The following CADM2 variants were observed in gnomAD, a reference collection of about 807,000 sequenced individuals.
The protein encoded by CADM2 is cell adhesion molecule 2, also known as immunoglobulin superfamily member 4D.
Under a neutral mutation model 49.8 loss-of-function variants are expected in CADM2, and 12 were observed. That is an observed-to-expected ratio of 0.24 (90% confidence interval 0.15 to 0.39). The LOEUF is 0.39. CADM2 is among the 10% of genes least tolerant of loss of function. The pLI is 1.00. For missense variants in CADM2, 378 were observed against 492.3 expected (o/e 0.77, Z 2.20); for synonymous variants, 214 against 175.4 (o/e 1.22, Z -1.74).
intron 3 of CADM2, among the ~76,000 whole-genome samples, chr3:85,855,585 CATATATATATATAAAACAT>C (rs1213391570): frequency 1.2e-4 from 15 of 120,174 alleles, no homozygotes; most frequent in East Asian, 4.6e-4. Context: ...ATATAAAAAA[CATATATATATATAAAACAT>C]ATATATATAT....
At chr3:85,348,915 T>C (rs1313960819) in intron 1 of CADM2, among the ~76,000 whole-genome samples, 2 of 152,162 alleles carry the variant, frequency 1.3e-5, no homozygotes, top group South Asian at 2.1e-4. Context: ...TTGTTTTTCA[T>C]CAATGAATTT....
intron 1 of CADM2, among the ~76,000 whole-genome samples, chr3:85,506,296 A>C (rs1229661474): frequency 6.6e-6 from 1 of 152,148 alleles, no homozygotes; most frequent in African/African-American, 2.4e-5. Flanking sequence ...TGTAACTCTC[A>C]AAGTCAGTGG....
chr3:85,446,889 A>C (rs2037482291), intron 1 of CADM2, among the ~76,000 whole-genome samples: 1 of 149,324 alleles, frequency 6.7e-6, no homozygotes, highest in African/African-American at 2.4e-5. Flanking sequence ...GGCATGAGCC[A>C]CTGCACCTGG....
intron 8 of CADM2, among the ~76,000 whole-genome samples, chr3:86,007,801 C>T (rs57063913): frequency 1.1e-3 from 166 of 152,142 alleles, no homozygotes; most frequent in African/African-American, 4.0e-3. Flanking sequence ...GTTTTAATGT[C>T]CTGTTCAGTA....
intron 1 of CADM2, among the ~76,000 whole-genome samples, chr3:85,680,944 G>C (rs905908551): frequency 9.9e-5 from 15 of 152,160 alleles, no homozygotes; most frequent in African/African-American, 3.6e-4. Context: ...TTGGAGTCAT[G>C]AAAAAGAACC....
intron 1 of CADM2, among the ~76,000 whole-genome samples, chr3:85,033,284 T>C (rs2035065724): frequency 1.3e-5 from 2 of 152,186 alleles, no homozygotes; most frequent in African/African-American, 4.8e-5. Flanking sequence ...ACTTCCCTGA[T>C]TGGAATTTTA....
At chr3:85,598,451 G>A (rs1287090190) in intron 1 of CADM2, among the ~76,000 whole-genome samples, 1 of 151,902 alleles carries the variant, frequency 6.6e-6, no homozygotes, top group Non-Finnish European at 1.5e-5. Flanking sequence ...TATATTTTGT[G>A]TAAATTAATA....
chr3:85,528,144 C>A (rs1193931686), intron 1 of CADM2, among the ~76,000 whole-genome samples: 1 of 152,150 alleles, frequency 6.6e-6, no homozygotes, highest in East Asian at 1.9e-4. Context: ...ATCTCTCTTG[C>A]TGCTTCTTCA....
At chr3:85,658,617 T>TATATATATATATAC (rs1553656741) in intron 1 of CADM2, among the ~76,000 whole-genome samples, 1 of 125,092 alleles carries the variant, frequency 8.0e-6, no homozygotes, top group Non-Finnish European at 1.7e-5. Context: ...TATATATATA[T>TATATATATATATAC]ACATGTATGC....
intron 8 of CADM2, among the ~76,000 whole-genome samples, chr3:85,967,120 G>A (rs571965674): frequency 1.3e-5 from 2 of 151,576 alleles, no homozygotes; most frequent in African/African-American, 4.8e-5. Flanking sequence ...ACAGAAAATC[G>A]TACACATAGA....
Position 85,428,590 on chromosome 3 carries a change from A to G in CADM2, c.62-297932A>G, listed in dbSNP as rs2036524262. On this transcript the variant is annotated intron_variant, in intron 1 of 9. Coordinates refer to ENST00000383699, the MANE Select transcript of CADM2 (RefSeq NM_001167675.2). Reference sequence around the variant, plus strand: ...TGATATATACATTATACAAAATAAAAATAATATTTATTATATAAAATATAT... The same window carrying G: ...TGATATATACATTATACAAAATAAAGATAATATTTATTATATAAAATATAT... 2.7e-5 allele frequency among the ~76,000 whole-genome samples: 4 copies of G among 146,248 alleles called. No homozygotes were observed. In the South Asian group the frequency reaches 8.4e-4, roughly 31 times the overall value.
chr3:85,428,907 C>G (rs1346266333), intron 1 of CADM2, among the ~76,000 whole-genome samples: 4 of 151,580 alleles, frequency 2.6e-5, no homozygotes, highest in Non-Finnish European at 5.9e-5. Context: ...GGAATTTGCC[C>G]TAATTCTTGA....
chr3:85,448,418 A>G (rs1398724990), intron 1 of CADM2, among the ~76,000 whole-genome samples: 2 of 151,956 alleles, frequency 1.3e-5, no homozygotes, highest in East Asian at 1.9e-4. Flanking sequence ...CTCTTAACAA[A>G]GATATTTAAA....
intron 1 of CADM2, among the ~76,000 whole-genome samples, chr3:85,118,064 C>G: frequency 6.6e-6 from 1 of 151,986 alleles, no homozygotes; most frequent in Non-Finnish European, 1.5e-5. Context: ...CCTGTACTAT[C>G]CTACCCCTTT....
intron 1 of CADM2, among the ~76,000 whole-genome samples, chr3:85,545,803 A>G (rs1203639766): frequency 6.6e-6 from 1 of 152,158 alleles, no homozygotes; most frequent in East Asian, 1.9e-4. Flanking sequence ...CTAGGGAAAA[A>G]AGTAAACCTG....
At chr3:85,032,390 A>T (rs1014198672) in intron 1 of CADM2, among the ~76,000 whole-genome samples, 9 of 152,214 alleles carry the variant, frequency 5.9e-5, no homozygotes, top group Non-Finnish European at 1.3e-4. Flanking sequence ...AAGCACAGAC[A>T]GAGAAAGTCA....
intron 8 of CADM2, among the ~76,000 whole-genome samples, chr3:86,021,278 G>C (rs1358093127): frequency 3.3e-5 from 5 of 152,048 alleles, no homozygotes; most frequent in Admixed American, 6.6e-5. Context: ...GGGATTTCAA[G>C]TGTGAGTCAC....
chr3:85,859,213 CT>C (rs1386491585), intron 3 of CADM2, among the ~76,000 whole-genome samples: 9 of 97,988 alleles, frequency 9.2e-5, no homozygotes, highest in South Asian at 3.7e-4. Flanking sequence ...TTGTGCTTTT[CT>C]TTTTTTTGTC....
intron 1 of CADM2, 148 bp downstream of exon 1, chr3:84,959,816 C>A (rs938730075): frequency 1.3e-6 from 1 of 747,702 alleles, no homozygotes; most frequent in South Asian, 1.7e-5. Context: ...CGGCAGGGGG[C>A]AGTGGCAGTT....
Sources: gnomAD v4.1 joint callset for allele counts (sites outside exome capture counted in the v4.1 genomes callset) on GRCh38, gnomAD v4.1.1 for gene constraint, MANE v1.5 for transcripts, NCBI Gene and HGNC (gene_info 2026-07-23, HGNC 2026-07-21) for gene names.